The following PCDH9 variants were observed in gnomAD, a reference collection of about 807,000 sequenced individuals.
PCDH9 encodes the protein protocadherin-9.
PCDH9 carries 24 observed loss-of-function variants against 70.6 expected under a neutral mutation model. That is an observed-to-expected ratio of 0.34 (90% CI 0.25 to 0.48). PCDH9 has a LOEUF of 0.48. Ranked by LOEUF, PCDH9 falls within the 20% of genes least tolerant of loss-of-function variation. PCDH9 has a pLI of 0.99. For synonymous variants in PCDH9, 562 were observed against 558.5 expected (o/e 1.01, Z -0.09); for missense variants, 1,281 against 1,503.6 (o/e 0.85, Z 2.45).
At chr13:66,471,237 G>A (rs1262327777) in intron 4 of PCDH9, among the ~76,000 whole-genome samples, 5 of 152,102 alleles carry the variant, frequency 3.3e-5, no homozygotes, top group Admixed American at 6.6e-5. Context: ...GGGAGGCAAT[G>A]AGAAAAGGTG....
At chr13:66,845,185 G>A (rs571200698) in intron 3 of PCDH9, among the ~76,000 whole-genome samples, 3 of 152,238 alleles carry the variant, frequency 2.0e-5, no homozygotes, top group African/African-American at 7.2e-5. Context: ...GTCTGCCTCC[G>A]ACCGCTGTTC....
chr13:66,488,427 G>A (rs1958981002), intron 4 of PCDH9, among the ~76,000 whole-genome samples: 1 of 152,064 alleles, frequency 6.6e-6, no homozygotes, highest in South Asian at 2.1e-4. Context: ...AATGCAATTG[G>A]TATTACAAAG....
At chr13:66,791,846 T>C (rs1051625484) in intron 3 of PCDH9, among the ~76,000 whole-genome samples, 2 of 152,150 alleles carry the variant, frequency 1.3e-5, no homozygotes, top group African/African-American at 4.8e-5. Flanking sequence ...TTCTACAATA[T>C]AAATAATATA....
At chr13:66,572,804 G>A (rs938368887) in intron 4 of PCDH9, among the ~76,000 whole-genome samples, 5 of 151,874 alleles carry the variant, frequency 3.3e-5, no homozygotes, top group African/African-American at 1.2e-4. Context: ...GTATCACTCA[G>A]GCTGGAGTGC....
chr13:67,066,245 T>A (rs1004600808), intron 2 of PCDH9, among the ~76,000 whole-genome samples: 18 of 152,144 alleles, frequency 1.2e-4, no homozygotes, highest in Admixed American at 2.0e-4. Context: ...TCAGCTTTTT[T>A]TTTTTTAGAC....
intron 4 of PCDH9, among the ~76,000 whole-genome samples, chr13:66,548,402 TA>T (rs1434353621): frequency 6.6e-6 from 1 of 151,810 alleles, no homozygotes; most frequent in African/African-American, 2.4e-5. Context: ...CTGTGTCCAC[TA>T]AAAGCACAAA....
At chr13:66,602,757 C>T (rs2077179060) in intron 4 of PCDH9, among the ~76,000 whole-genome samples, 1 of 145,542 alleles carries the variant, frequency 6.9e-6, no homozygotes, top group South Asian at 2.2e-4. Flanking sequence ...ATTTACTCAC[C>T]ATTCACTCAC....
chr13:66,815,310 A>G (rs1417108754), intron 3 of PCDH9, among the ~76,000 whole-genome samples: 2 of 152,108 alleles, frequency 1.3e-5, no homozygotes, highest in African/African-American at 4.8e-5. Context: ...AGAGATTGCT[A>G]TACACTGCTG....
At chr13:66,631,629 C>A (rs1422924464) in intron 3 of PCDH9, among the ~76,000 whole-genome samples, 1 of 152,110 alleles carries the variant, frequency 6.6e-6, no homozygotes, top group African/African-American at 2.4e-5. Context: ...TTGTATAATT[C>A]ACGACCTTAA....
intron 2 of PCDH9, among the ~76,000 whole-genome samples, chr13:66,909,933 G>T (rs2082431887): frequency 6.6e-6 from 1 of 152,118 alleles, no homozygotes; most frequent in East Asian, 1.9e-4. Flanking sequence ...TCTTCTAGGG[G>T]CAGCAGAGCT....
At chr13:67,199,444 T>TG (rs1277974906) in intron 2 of PCDH9, among the ~76,000 whole-genome samples, 2 of 151,982 alleles carry the variant, frequency 1.3e-5, no homozygotes, top group African/African-American at 4.8e-5. Context: ...TGTATCAGAA[T>TG]ATTAATATCC....
chr13:67,039,072 G>A (rs995258386), intron 2 of PCDH9, among the ~76,000 whole-genome samples: 1 of 152,160 alleles, frequency 6.6e-6, no homozygotes, highest in Admixed American at 6.5e-5. Flanking sequence ...AGATGATGGG[G>A]TTCACGGAAC....
chr13:67,121,312 C>T (rs2086874191), intron 2 of PCDH9, among the ~76,000 whole-genome samples: 1 of 152,124 alleles, frequency 6.6e-6, no homozygotes. Flanking sequence ...AACTATTTGC[C>T]CCACAAGCAA....
intron 2 of PCDH9, among the ~76,000 whole-genome samples, chr13:67,143,986 T>G (rs2087460243): frequency 6.6e-6 from 1 of 152,092 alleles, no homozygotes; most frequent in Non-Finnish European, 1.5e-5. Flanking sequence ...ACTTTCCATC[T>G]CCTCCCTTGA....
intron 3 of PCDH9, among the ~76,000 whole-genome samples, chr13:66,757,621 A>G (rs550936433): frequency 6.6e-6 from 1 of 152,246 alleles, no homozygotes; most frequent in East Asian, 1.9e-4. Flanking sequence ...CATGTCACAT[A>G]CGATATAGAG....
At chr13:66,590,234 C>T (rs998256551) in intron 4 of PCDH9, among the ~76,000 whole-genome samples, 2 of 151,836 alleles carry the variant, frequency 1.3e-5, no homozygotes, top group Non-Finnish European at 1.5e-5. Flanking sequence ...TTTAAACTAA[C>T]GAATCAACCA....
intron 2 of PCDH9, among the ~76,000 whole-genome samples, chr13:67,154,371 G>A (rs2087742242): frequency 6.6e-6 from 1 of 152,080 alleles, no homozygotes; most frequent in African/African-American, 2.4e-5. Flanking sequence ...ATCACCTTAG[G>A]TTAGGTGGAT....
At chr13:67,203,801 T>G (rs2089274160) in intron 2 of PCDH9, 1 of 152,050 alleles carries the variant, frequency 6.6e-6, no homozygotes, top group Non-Finnish European at 1.5e-5. Context: ...AACAGAAATT[T>G]TATTAAAGCA....
chr13:66,793,609 A>C (rs2080195004), intron 3 of PCDH9, among the ~76,000 whole-genome samples: 1 of 152,186 alleles, frequency 6.6e-6, no homozygotes, highest in Non-Finnish European at 1.5e-5. Context: ...GTATTATAAT[A>C]TGGTTTATTG....
Sources: allele counts gnomAD v4.1 joint callset (sites outside exome capture counted in the v4.1 genomes callset), GRCh38; gene constraint gnomAD v4.1.1; transcripts MANE v1.5; gene names NCBI Gene and HGNC (gene_info 2026-07-23, HGNC 2026-07-21).